Variants in CLEC12A observed in about 807,000 individuals in gnomAD.
The protein encoded by CLEC12A is C-type lectin domain family 12 member A, also known as C-type lectin protein CLL-1.
Under a neutral mutation model 26.5 loss-of-function variants are expected in CLEC12A, and 22 were observed. The observed-to-expected ratio is 0.83, with a 90% CI of 0.59 to 1.19. The LOEUF (loss-of-function observed/expected upper bound fraction) is 1.19. Among genes scored for constraint, CLEC12A ranks in the 50% most tolerant of loss-of-function variants. The probability of loss-of-function intolerance (pLI) is 0.00; values close to 1 mark genes in which losing one functional copy is unlikely to be tolerated. For synonymous variants in CLEC12A, 119 were observed against 101.9 expected (o/e 1.17, Z -1.01); for missense variants, 353 against 315.6 (o/e 1.12, Z -0.90).
intron 1 of CLEC12A, among the ~76,000 whole-genome samples, chr12:9,960,129 T>A (rs529625491): frequency 1.3e-5 from 2 of 152,270 alleles, no homozygotes; most frequent in South Asian, 4.1e-4. Context: ...TTAGCCAGTG[T>A]TAAACCATGA....
the CLEC12A span, among the ~76,000 whole-genome samples, chr12:10,001,414 T>C: frequency 6.6e-6 from 1 of 152,252 alleles, no homozygotes; most frequent in African/African-American, 2.4e-5. Flanking sequence ...CTCTTTCTCA[T>C]TGTAATTTAA....
chr12:10,000,463 A>G (rs111549489), downstream of CLEC12A, among the ~76,000 whole-genome samples: 18 of 152,228 alleles, frequency 1.2e-4, no homozygotes, highest in Non-Finnish European at 2.5e-4. Context: ...CAAACTTAGT[A>G]TGATTCAAAT....
intron 1 of CLEC12A, among the ~76,000 whole-genome samples, chr12:9,962,258 T>C (rs11053522): frequency 0.11 from 15,814 of 146,542 alleles, 1,011 homozygotes; most frequent in East Asian, 0.18. Context: ...TTTTTCTTTT[T>C]TTTTTTTTTT....
intron 1 of CLEC12A, among the ~76,000 whole-genome samples, chr12:9,955,221 G>A (rs1221554384): frequency 6.6e-6 from 1 of 152,056 alleles, no homozygotes; most frequent in Non-Finnish European, 1.5e-5. Flanking sequence ...TGAGTAGCTG[G>A]GACCACAGGC....
chr12:9,990,154 A>C (rs1003243753), downstream of CLEC12A, among the ~76,000 whole-genome samples: 1 of 152,190 alleles, frequency 6.6e-6, no homozygotes, highest in Non-Finnish European at 1.5e-5. Flanking sequence ...CTAACACAGC[A>C]TCCTTTTCTG....
At chr12:9,993,358 A>G (rs1190817384) in intron 4 of CLEC12A, 1 of 1,163,672 alleles carries the variant, frequency 8.6e-7, no homozygotes. Flanking sequence ...CTCTGCGTAT[A>G]GTAGTTTGAT....
upstream of CLEC12A, among the ~76,000 whole-genome samples, chr12:9,970,997 C>T (rs896965437): frequency 6.6e-6 from 1 of 152,166 alleles, no homozygotes; most frequent in East Asian, 1.9e-4. Context: ...AGCTATGTAA[C>T]ATGGCAACGG....
At position 9,971,481 on chromosome 12, in the gene CLEC12A, C is replaced by A; in HGVS notation, c.-116C>A. Reference sequence around the variant, plus strand: ...AGAAGTTTAAACTTGTAAGCTTAAGCTTCCGTTTATAAACAGAAGTTTAAA... The same window carrying A: ...AGAAGTTTAAACTTGTAAGCTTAAGATTCCGTTTATAAACAGAAGTTTAAA... On this transcript the variant is annotated 5_prime_UTR_variant, in exon 1 of 6. Transcript: ENST00000304361. The A allele has an allele frequency of 7.0e-7, 1 of 1,428,158 alleles. No individual in the cohort carries two copies. Among genetic ancestry groups the A allele is most frequent in the Non-Finnish European group, 9.1e-7 (1 of 1,092,952 alleles). 88.5% of individuals were successfully genotyped at this position (1,428,158 alleles called of 1,614,324 possible).
rs779298087 is a variant in CLEC12A at position 9,984,928 on chromosome 12, T to C, written c.700T>C (p.Tyr234His). Residue 234 changes from tyrosine (Y) to histidine (H), a missense_variant, in exon 6 of 6, where the codon TAT becomes CAT. Transcript: ENST00000304361. ...NMYCGYINRL[Y>H]VQYYHCTYKK... The stretch of plus-strand genomic sequence containing the variant: ...GTATTGTGGATATATAAATAGACTA[T>C]ATGTTCAATATTATCACTGCACTTA... 2.5e-6 allele frequency: 4 copies of C among 1,582,880 alleles called. No homozygotes were observed. In the South Asian group the frequency reaches 4.6e-5, roughly 18 times the overall value.
chr12:9,960,677 G>T (rs1003976279), intron 1 of CLEC12A, among the ~76,000 whole-genome samples: 2 of 152,288 alleles, frequency 1.3e-5, no homozygotes, highest in Admixed American at 1.3e-4. Flanking sequence ...TTATCTTATA[G>T]AACTAATATT....
rs1196658911 is a variant in CLEC12A at position 9,978,005 on chromosome 12, G to T, written c.92-961G>T. On this transcript the variant is annotated intron_variant, in intron 1 of 5. Coordinates refer to ENST00000304361, the MANE Select transcript of CLEC12A (RefSeq NM_138337.6). ...TCTTAGATAAAATCTTGAACATGTA[G>T]TTCTTTCAGTAGTAACTATTTTCTA... Among the ~76,000 whole-genome samples the T allele has an allele frequency of 2.0e-5, 3 of 152,030 alleles. No homozygotes were observed. The South Asian group carries it at 6.2e-4, about 31-fold the overall frequency.
At chr12:9,993,089 T>A in intron 4 of CLEC12A, 6 of 1,519,954 alleles carry the variant, frequency 3.9e-6, no homozygotes, top group Non-Finnish European at 5.4e-6. Context: ...TTCATACATA[T>A]CTTTTATTGT....
chr12:9,980,862 C>A lies in CLEC12A; in HGVS notation c.531+129C>A, dbSNP rs903931635. ...TGTGAAGTGACTGAAACTTTGTACACTTATCTCAAGATATCATAGGCAAGG... is the reference window on the plus strand; with the variant it reads ...TGTGAAGTGACTGAAACTTTGTACAATTATCTCAAGATATCATAGGCAAGG... On this transcript the variant is annotated intron_variant, in intron 4 of 5. Transcript: ENST00000304361. 6.7e-6 allele frequency: 6 copies of A among 900,754 alleles called. No homozygotes were observed. In the African/African-American group the frequency reaches 8.5e-5, roughly 13 times the overall value. The allele number at this position is 900,754 out of a possible 1,614,324, so 55.8% of individuals were successfully genotyped here. A position where few individuals can be genotyped will look rare whatever the true frequency, so the allele number is the denominator to read the frequency against.
intron 1 of CLEC12A, among the ~76,000 whole-genome samples, chr12:9,977,138 T>C (rs1864370825): frequency 6.6e-6 from 1 of 152,218 alleles, no homozygotes; most frequent in South Asian, 2.1e-4. Context: ...TGCCTACAAA[T>C]GTGCATATCT....
At chr12:9,996,616 T>C, downstream of CLEC12A, 3 of 618,266 alleles carry the variant, frequency 4.9e-6, no homozygotes, top group South Asian at 5.0e-5. Flanking sequence ...GTACCTGAGC[T>C]GTCAGGAAGG....
chr12:9,996,144 T>C (rs936846473), downstream of CLEC12A, among the ~76,000 whole-genome samples: 20 of 152,182 alleles, frequency 1.3e-4, no homozygotes, highest in African/African-American at 4.6e-4. Flanking sequence ...GGAGATATTG[T>C]GTGAAAGTCA....
intron 5 of CLEC12A, chr12:9,983,636 G>A: frequency 1.6e-6 from 1 of 627,286 alleles, no homozygotes; most frequent in East Asian, 2.8e-5. Flanking sequence ...AGACAGCTCT[G>A]AGTCAACTGT....
chr12:9,974,797 C>T (rs775124064), intron 1 of CLEC12A, among the ~76,000 whole-genome samples: 28 of 152,066 alleles, frequency 1.8e-4, no homozygotes, highest in Non-Finnish European at 3.5e-4. Flanking sequence ...AGCAGCAGAA[C>T]CAGAATTCAA....
intron 1 of CLEC12A, among the ~76,000 whole-genome samples, chr12:9,962,697 A>G (rs1348392776): frequency 6.6e-6 from 1 of 152,096 alleles, no homozygotes; most frequent in Non-Finnish European, 1.5e-5. Flanking sequence ...AAGGAATTTT[A>G]TAATGTCATC....
Sources: allele counts gnomAD v4.1 joint callset (sites outside exome capture counted in the v4.1 genomes callset), GRCh38; gene constraint gnomAD v4.1.1; transcripts MANE v1.5; gene names NCBI Gene and HGNC (gene_info 2026-07-23, HGNC 2026-07-21).